Variants in RMND1 observed in about 807,000 individuals in gnomAD.
The protein encoded by RMND1 is required for meiotic nuclear division protein 1 homolog.
In RMND1, 41 loss-of-function variants were observed where a neutral mutation model predicts 54.0. The observed-to-expected ratio is 0.76, with a 90% CI of 0.59 to 0.98. The LOEUF is 0.98. Among genes scored for constraint, RMND1 ranks in the 50% least tolerant of loss-of-function variants. The pLI, the probability that RMND1 is intolerant of heterozygous loss-of-function variation, is 0.00. For missense variants in RMND1, 457 were observed against 532.0 expected, an observed-to-expected ratio of 0.86 and a Z score of 1.39; for synonymous variants, 183 against 181.7, an observed-to-expected ratio of 1.01 and a Z score of -0.06.
At chr6:151,431,874 T>C (rs1780457084) in intron 4 of RMND1, among the ~76,000 whole-genome samples, 1 of 152,190 alleles carries the variant, frequency 6.6e-6, no homozygotes, top group Non-Finnish European at 1.5e-5. Flanking sequence ...TTAAAAATAT[T>C]TAAAATGTGG....
At chr6:151,417,492 C>A in intron 9 of RMND1, 93 bp from the exon 10 acceptor site, 3 of 820,006 alleles carry the variant, frequency 3.7e-6, no homozygotes, top group Non-Finnish European at 3.5e-6. Context: ...TTTATGAAAA[C>A]TTTTTTTTTT....
intron 5 of RMND1, 118 bp from the exon 6 acceptor site, chr6:151,427,700 G>T: frequency 1.6e-6 from 1 of 614,898 alleles, no homozygotes; most frequent in Non-Finnish European, 2.8e-6. Context: ...TCTGTTGCAT[G>T]TTTTTAAGGA....
intron 1 of RMND1, among the ~76,000 whole-genome samples, chr6:151,446,325 T>A (rs948324246): frequency 1.3e-5 from 2 of 151,672 alleles, no homozygotes; most frequent in Non-Finnish European, 2.9e-5. Context: ...TCCCAGCTAC[T>A]CACAGGCTGA....
chr6:151,422,666 A>G, intron 7 of RMND1, 61 bp from the exon 8 acceptor site: 1 of 701,370 alleles, frequency 1.4e-6, no homozygotes, highest in Non-Finnish European at 2.3e-6. Context: ...TATATAAAAT[A>G]CATAATTGCA....
intron 11 of RMND1, 40 bp from the exon 12 acceptor site, chr6:151,405,307 T>G: frequency 1.3e-6 from 2 of 1,562,664 alleles, no homozygotes; most frequent in Non-Finnish European, 1.8e-6. Context: ...GACGGGCAAA[T>G]TATGGGTACA....
intron 4 of RMND1, among the ~76,000 whole-genome samples, chr6:151,432,889 C>T (rs1269131598): frequency 6.6e-6 from 1 of 152,070 alleles, no homozygotes; most frequent in African/African-American, 2.4e-5. Context: ...AAATTTAGTC[C>T]ATGAAAATCC....
intron 10 of RMND1, among the ~76,000 whole-genome samples, chr6:151,410,106 C>A (rs58578106): frequency 8.6e-5 from 13 of 150,338 alleles, no homozygotes; most frequent in Non-Finnish European, 1.5e-4. Context: ...CCAGGCTGGA[C>A]TGCAGTGGCA....
At chr6:151,447,754 A>G (rs1267763315) in intron 1 of RMND1, among the ~76,000 whole-genome samples, 1 of 131,160 alleles carries the variant, frequency 7.6e-6, no homozygotes, top group Admixed American at 7.1e-5. Context: ...AAACTATAAA[A>G]TATTTTAGAA....
intron 9 of RMND1, among the ~76,000 whole-genome samples, chr6:151,418,188 C>T (rs1780060952): frequency 6.6e-6 from 1 of 152,018 alleles, no homozygotes. Flanking sequence ...CCAAGGCGGG[C>T]AGATTGCTCG....
Position 151,422,521 on chromosome 6 carries a change from C to T in RMND1, c.1002+20G>A. 1 of 1,230,792 alleles carries T rather than the reference C, an allele frequency of 8.1e-7. No individual in the cohort carries two copies. Among genetic ancestry groups the T allele is most frequent in the South Asian group, 1.5e-5 (1 of 68,260 alleles). The allele number at this position is 1,230,792 out of a possible 1,614,324, so 76.2% of individuals were successfully genotyped here. ...ATATAAAAATCAATCCTTGAATAAG[C>T]ATAAAATTGATATAATTACCTCAGG... On this transcript the variant is annotated intron_variant, in intron 8 of 11. Transcript: ENST00000444024.
intron 1 of RMND1, among the ~76,000 whole-genome samples, chr6:151,449,729 G>A (rs778299378): frequency 6.6e-5 from 10 of 152,106 alleles, no homozygotes; most frequent in Non-Finnish European, 1.2e-4. Context: ...CTGCCATCTC[G>A]GCTCACTGCA....
In RMND1 at chr6:151,430,470, C is replaced by T. The variant is rs756478098; in HGVS notation, c.690-293G>A. Among the ~76,000 whole-genome samples the T allele has an allele frequency of 1.1e-4, 16 of 152,152 alleles. 1 individual carries two copies. The highest frequency in any genetic ancestry group is 2.2e-4 in the Non-Finnish European group (15 of 68,040). On this transcript the variant is annotated intron_variant, in intron 4 of 11. Transcript: ENST00000444024. ...CTTCACGTATGTAGACTCTTTCATA[C>T]CTGGTTCAATTCTGATCCACAGAAA...
rs532374702 is a variant in RMND1, at chr6:151,405,480, T to C, written c.1318-213A>G. 1.1e-3 allele frequency among the ~76,000 whole-genome samples: 168 copies of C among 152,360 alleles called. 1 individual carries two copies. The Middle Eastern group carries it at 0.02, about 19-fold the overall frequency. On this transcript the variant is annotated intron_variant, in intron 11 of 11. Coordinates refer to ENST00000444024, the MANE Select transcript of RMND1 (RefSeq NM_017909.4). Reference sequence around the variant, plus strand: ...TACAGCTAGAACTTTTTCCAAATGCTGTCTTTAAAAGCAGAACCTTGAGGT... The same window carrying C: ...TACAGCTAGAACTTTTTCCAAATGCCGTCTTTAAAAGCAGAACCTTGAGGT...
chr6:151,439,846 G>T (rs1780723460), intron 2 of RMND1, among the ~76,000 whole-genome samples: 1 of 152,082 alleles, frequency 6.6e-6, no homozygotes, highest in Admixed American at 6.6e-5. Context: ...TTTTAGTAGA[G>T]ACGGGGTTTC....
At chr6:151,439,753 C>T (rs566256710) in intron 2 of RMND1, among the ~76,000 whole-genome samples, 44 of 152,218 alleles carry the variant, frequency 2.9e-4, no homozygotes, top group Non-Finnish European at 4.0e-4. Context: ...TCTGCCTCCC[C>T]GGTTCAAGCG....
In RMND1 at chr6:151,411,030, G is replaced by C. The variant is rs569922906; in HGVS notation, c.1201-5194C>G. On this transcript the variant is annotated intron_variant, in intron 10 of 11. Transcript: ENST00000444024. ...GCTGGAGTGCAGTGGTGCAATCTCAGCTCATCGGAACCTTTGCCTCCCAAG... is the reference window on the plus strand; with the variant it reads ...GCTGGAGTGCAGTGGTGCAATCTCACCTCATCGGAACCTTTGCCTCCCAAG... Among the ~76,000 whole-genome samples the C allele has an allele frequency of 2.0e-5, 3 of 152,292 alleles. No individual in the cohort carries two copies. In the South Asian group the frequency reaches 6.2e-4, roughly 32 times the overall value.
intron 1 of RMND1, among the ~76,000 whole-genome samples, chr6:151,447,238 TATATA>T (rs1780981329): frequency 6.6e-6 from 1 of 152,042 alleles, no homozygotes. Flanking sequence ...CACCAAAGGA[TATATA>T]AAGTCATCCT....
intron 4 of RMND1, among the ~76,000 whole-genome samples, chr6:151,430,945 C>T (rs1780432673): frequency 6.6e-6 from 1 of 151,602 alleles, no homozygotes; most frequent in South Asian, 2.1e-4. Flanking sequence ...TGGGTCCATG[C>T]TTAGTATTTG....
intron 1 of RMND1, among the ~76,000 whole-genome samples, chr6:151,446,680 G>A (rs570860501): frequency 6.6e-6 from 1 of 152,212 alleles, no homozygotes. Flanking sequence ...AAGGCTGGGG[G>A]GATCACTTGA....
Sources: gnomAD v4.1 joint callset for allele counts (sites outside exome capture counted in the v4.1 genomes callset) on GRCh38, gnomAD v4.1.1 for gene constraint, MANE v1.5 for transcripts, NCBI Gene and HGNC (gene_info 2026-07-23, HGNC 2026-07-21) for gene names.